RSKR: variants seen among roughly 807,000 people sequenced by gnomAD.
The protein encoded by RSKR is ribosomal protein S6 kinase-related protein.
A neutral mutation model predicts 56.8 loss-of-function variants in RSKR; 44 were observed. The ratio of observed to expected loss-of-function variants is 0.77; its 90% confidence interval spans 0.61 to 1.00. The LOEUF is 1.00. RSKR is among the 50% of genes least tolerant of loss of function. The pLI, the probability that RSKR is intolerant of heterozygous loss-of-function variation, is 0.00. For synonymous variants in RSKR, 181 were observed against 188.0 expected (o/e 0.96, Z 0.30); for missense variants, 510 against 506.9 (o/e 1.01, Z -0.06).
At chr17:28,613,407 C>T (rs2070852527) in intron 2 of RSKR, 33 bp downstream of exon 2, 1 of 1,614,046 alleles carries the variant, frequency 6.2e-7, no homozygotes, top group African/African-American at 1.3e-5. Flanking sequence ...CTCCCAAAGA[C>T]TGAGACCCCA....
chr17:28,613,818 C>T (rs1379526105), intron 1 of RSKR, 130 bp from the exon 2 acceptor site: 5 of 1,324,246 alleles, frequency 3.8e-6, no homozygotes, highest in Non-Finnish European at 5.1e-6. Context: ...AGGCAAAATT[C>T]CCATTACCCT....
In RSKR at chr17:28,614,172, T is replaced by C; in HGVS notation, c.-11A>G. Reference sequence around the variant, plus strand: ...GCTTACTGCTCCCATTCCCAGCCTCTGCCTCCTCTCTCTGCTAAATCTGCT... The same window carrying C: ...GCTTACTGCTCCCATTCCCAGCCTCCGCCTCCTCTCTCTGCTAAATCTGCT... On this transcript the variant is annotated 5_prime_UTR_variant, in exon 1 of 12. Transcript: ENST00000301037. 6.2e-7 allele frequency: 1 copy of C among 1,613,108 alleles called. No homozygotes were observed. Among genetic ancestry groups the C allele is most frequent in the Non-Finnish European group, 8.5e-7 (1 of 1,179,976 alleles).
In RSKR at chr17:28,613,673, G is replaced by A. The variant is rs780596652; in HGVS notation, c.91C>T (p.Arg31Trp). The part of the protein sequence containing the change: ...AVPHKQGGNI[R>W]GPWARGWKSL... ...TTCCAGCCTCGGGCCCAGGGACCCCGGATGTTGCCACCCTGCTGAGAACCA... is the reference window on the plus strand; with the variant it reads ...TTCCAGCCTCGGGCCCAGGGACCCCAGATGTTGCCACCCTGCTGAGAACCA... The change falls in exon 2 of 12, where the codon CGG becomes TGG. Residue 31 changes from arginine (R) to tryptophan (W), a missense_variant. Arg to Trp is a moderately radical substitution (Grantham distance 101, BLOSUM62 -3). Coordinates refer to ENST00000301037, the MANE Select transcript of RSKR (RefSeq NM_001174103.2). The A allele has an allele frequency of 7.4e-6, 12 of 1,613,958 alleles. No individual in the cohort carries two copies. Among genetic ancestry groups the A allele is most frequent in the East Asian group, 2.2e-5 (1 of 44,868 alleles).
chr17:28,612,171 T>TAGGGATGTAATA (rs1302777451), intron 6 of RSKR, 87 bp from the exon 7 acceptor site: 1 of 1,585,240 alleles, frequency 6.3e-7, no homozygotes, highest in African/African-American at 1.3e-5. Context: ...TATCCTATTC[T>TAGGGATGTAATA]TTAACTTCCA....
At position 28,610,618 on chromosome 17, in the gene RSKR, C is replaced by G. The variant is rs777684759; in HGVS notation, c.1093G>C (p.Asp365His). 91 of 1,535,868 alleles carry G rather than the reference C, an allele frequency of 5.9e-5. No homozygotes were observed. The highest frequency in any genetic ancestry group is 1.7e-4 in the Middle Eastern group (1 of 5,988). Residue 365 changes from aspartate (D) to histidine (H), a missense_variant, in exon 12 of 12, where the codon GAC (aspartate) becomes CAC (histidine). Physicochemically the swap from Asp to His is moderately conservative, Grantham distance 81. Coordinates refer to ENST00000301037, the MANE Select transcript of RSKR (RefSeq NM_001174103.2). ...GGCTGCTTCTGTAGGAGCTCTGGGTCGAAGGCCACACCCCGAAAGAAAGGG... is the reference window on the plus strand; with the variant it reads ...GGCTGCTTCTGTAGGAGCTCTGGGTGGAAGGCCACACCCCGAAAGAAAGGG... ...VHPFFRGVAF[D>H]PELLQKQPVN...
Position 28,609,878 on chromosome 17 carries a change from CCT to C in RSKR, c.*598_*599del. 6.6e-6 allele frequency: 1 copy of C among 152,188 alleles called. No homozygotes were observed. Among genetic ancestry groups the C allele is most frequent in the Non-Finnish European group, 1.5e-5 (1 of 68,290 alleles). The allele number at this position is 152,188 out of a possible 1,614,324, so 9.4% of individuals were successfully genotyped here. ...GATCAGCCTGGCCAACATGGTGAAC[CCT>C]GTCTCTACTAAAAAATACAAAAATT... On this transcript the variant is annotated 3_prime_UTR_variant, in exon 12 of 12. Coordinates refer to ENST00000301037, the MANE Select transcript of RSKR (RefSeq NM_001174103.2).
chr17:28,611,053 G>T lies in RSKR; in HGVS notation c.1011+90C>A, dbSNP rs570453549. 179 of 1,209,898 alleles carry T rather than the reference G, an allele frequency of 1.5e-4. 2 individuals carry two copies. The South Asian group carries it at 2.0e-3, about 13-fold the overall frequency. The allele number at this position is 1,209,898 out of a possible 1,614,324, so 74.9% of individuals were successfully genotyped here. A position where few individuals can be genotyped will look rare whatever the true frequency, so the allele number is the denominator to read the frequency against. On this transcript the variant is annotated intron_variant, in intron 11 of 11. Transcript: ENST00000301037. ...AAGTTGGAGCCCCCTCAAAAAAACT[G>T]ATGAGAGGAATGGGGAAAAATCACT...
chr17:28,611,215 C>T lies in RSKR; in HGVS notation c.939G>A (p.Leu313=). The change falls in exon 11 of 12, where the codon TTG becomes TTA. Residue 313 remains leucine (L), a synonymous_variant. Coordinates refer to ENST00000301037, the MANE Select transcript of RSKR (RefSeq NM_001174103.2). ...VAAERDHVAM[L]ASVTHSDSEI... ...CAGAGTCACTGTGGGTCACACTTGC[C>T]AACATGGCCACATGATCTCTCTCTG... 1.3e-6 allele frequency: 2 copies of T among 1,536,212 alleles called. No homozygotes were observed. The highest frequency in any genetic ancestry group is 8.7e-7 in the Non-Finnish European group (1 of 1,146,876).
At chr17:28,613,378 G>A (rs1176649853) in intron 2 of RSKR, 33 bp from the exon 3 acceptor site, 1 of 1,614,126 alleles carries the variant, frequency 6.2e-7, no homozygotes, top group Non-Finnish European at 8.5e-7. Flanking sequence ...GGCCAGTTGA[G>A]ACTGGTCATT....
Position 28,607,987 on chromosome 17 carries a change from TTA to T in RSKR, c.*2489_*2490del, listed in dbSNP as rs1339888761. 2 of 152,214 alleles carry T rather than the reference TTA, an allele frequency of 1.3e-5. No individual in the cohort carries two copies. The highest frequency in any genetic ancestry group is 4.8e-5 in the African/African-American group (2 of 41,452). 9.4% of individuals were successfully genotyped at this position (152,214 alleles called of 1,614,324 possible). On this transcript the variant is annotated 3_prime_UTR_variant, in exon 12 of 12. Transcript: ENST00000301037. ...ATAAAGGATACATTGCCTTATTTAT[TTA>T]TATCCCAACCTTATTACAAAAAGGC... is the stretch of plus-strand genomic sequence containing the variant.
rs117006142 is a variant in RSKR, at chr17:28,612,594, T to A, written c.547+24A>T. 0.021 allele frequency: 33,688 copies of A among 1,611,838 alleles called. 462 individuals carry two copies. The highest frequency in any genetic ancestry group is 0.026 in the Non-Finnish European group (30,866 of 1,178,030). On this transcript the variant is annotated intron_variant, in intron 5 of 11. Transcript: ENST00000301037. ...AACATGGTACAAAGACCCTGGGGGA[T>A]GAGGAGAGAGTCCAGTCACTCACTA...
At chr17:28,611,371 A>T in intron 10 of RSKR, 22 bp downstream of exon 10, 2 of 1,551,814 alleles carry the variant, frequency 1.3e-6, no homozygotes, top group Non-Finnish European at 8.7e-7. Flanking sequence ...TTCTCTGCCC[A>T]AAACTACTAC....
Position 28,613,492 on chromosome 17 carries a change from AGGTTGATGAACTGAGGCACTGGCCACTCT to A in RSKR, c.243_271del (p.Glu82LeufsTer8), listed in dbSNP as rs1235455680. The A allele has an allele frequency of 6.2e-7, 1 of 1,614,070 alleles. No individual in the cohort carries two copies. Among genetic ancestry groups the A allele is most frequent in the African/African-American group, 1.3e-5 (1 of 74,918 alleles). On this transcript the variant is annotated frameshift_variant, in exon 2 of 12. Coordinates refer to ENST00000301037, the MANE Select transcript of RSKR (RefSeq NM_001174103.2). LOFTEE classifies it high-confidence loss of function. ...CCTAATGGGAAACTCTGGTAGAAAG[AGGTTGATGAACTGAGGCACTGGCCACTCT>A]GGCAGAGGCTTCTCTACCAGTACTG...
At chr17:28,612,573 T>C (rs768599251) in intron 5 of RSKR, 45 bp downstream of exon 5, 3 of 1,595,554 alleles carry the variant, frequency 1.9e-6, no homozygotes, top group East Asian at 2.2e-5. Context: ...GTGGGGAACA[T>C]GGTACAAAGA....
chr17:28,610,299 C>T lies in RSKR; in HGVS notation c.*179G>A, dbSNP rs1000479887. On this transcript the variant is annotated 3_prime_UTR_variant, in exon 12 of 12. Coordinates refer to ENST00000301037, the MANE Select transcript of RSKR (RefSeq NM_001174103.2). The stretch of plus-strand genomic sequence containing the variant: ...TTGTATGATAGGGAAGGAATAGGGC[C>T]AGCTGTGGCTGCCAGTAGCAGAATG... 2 of 610,558 alleles carry T rather than the reference C, an allele frequency of 3.3e-6. No individual in the cohort carries two copies. Among genetic ancestry groups the T allele is most frequent in the Non-Finnish European group, 5.7e-6 (2 of 347,966 alleles). 37.8% of individuals were successfully genotyped at this position (610,558 alleles called of 1,614,324 possible).
chr17:28,613,544 C>T lies in RSKR; in HGVS notation c.220G>A (p.Val74Ile). Reference protein sequence around the residue: ...LHQESLKPAPVLVEKPLPEWP... With the variant: ...LHQESLKPAPILVEKPLPEWP... Reference sequence around the variant, plus strand: ...TCTGGCAGAGGCTTCTCTACCAGTACTGGGGCTGGCTTTAGGGATTCCTGG... The same window carrying T: ...TCTGGCAGAGGCTTCTCTACCAGTATTGGGGCTGGCTTTAGGGATTCCTGG... Residue 74 changes from valine (V) to isoleucine (I), a missense_variant, in exon 2 of 12, where the codon GTA becomes ATA. Physicochemically the swap from Val to Ile is conservative, Grantham distance 29 (BLOSUM62 3). Transcript: ENST00000301037. 1 of 1,614,216 alleles carries T rather than the reference C, an allele frequency of 6.2e-7. No homozygotes were observed.
intron 7 of RSKR, 120 bp from the exon 8 acceptor site, chr17:28,611,915 T>C (rs779107551): frequency 3.0e-5 from 49 of 1,611,380 alleles, no homozygotes; most frequent in Middle Eastern, 1.6e-4. Context: ...CAGAGAGCCC[T>C]TCCCCAAATC....
intron 7 of RSKR, 35 bp downstream of exon 7, chr17:28,612,009 T>G: frequency 6.2e-7 from 1 of 1,614,134 alleles, no homozygotes; most frequent in Non-Finnish European, 8.5e-7. Context: ...TTGAGACTCT[T>G]TCTCAGACAA....
rs748364491 is a variant in RSKR, at chr17:28,612,333, AG to A, written c.580del (p.Leu194PhefsTer37). On this transcript the variant is annotated frameshift_variant, in exon 6 of 12. Coordinates refer to ENST00000301037, the MANE Select transcript of RSKR (RefSeq NM_001174103.2). LOFTEE classifies it high-confidence loss of function. Reference sequence around the variant, plus strand: ...AGGAAAGCAGCCAACAGCCGACCAAAGGGAGTACAGATCTGTGCTGCAGTAG... The same window carrying A: ...AGGAAAGCAGCCAACAGCCGACCAAAGGAGTACAGATCTGTGCTGCAGTAG... The part of the protein sequence containing the change: ...CSYCSTDLYS[L>X]WSAVGCFPEA... 5.0e-6 allele frequency: 8 copies of A among 1,614,218 alleles called. No homozygotes were observed. Among genetic ancestry groups the A allele is most frequent in the Non-Finnish European group, 6.8e-6 (8 of 1,180,044 alleles).
Sources: gnomAD v4.1 joint callset for allele counts on GRCh38, gnomAD v4.1.1 for gene constraint, MANE v1.5 for transcripts, NCBI Gene and HGNC (gene_info 2026-07-23, HGNC 2026-07-21) for gene names.